PRDM5: variants seen among roughly 807,000 people sequenced by gnomAD.
The protein encoded by PRDM5 is PR domain zinc finger protein 5.
A neutral mutation model predicts 81.2 loss-of-function variants in PRDM5; 56 were observed. The ratio of observed to expected loss-of-function variants is 0.69; its 90% CI spans 0.56 to 0.86. PRDM5 has a LOEUF of 0.86. PRDM5 is among the 40% of genes least tolerant of loss of function. The probability of loss-of-function intolerance (pLI) is 0.00; values close to 1 mark genes in which losing one functional copy is unlikely to be tolerated. For missense variants in PRDM5, 697 were observed against 770.1 expected, an observed-to-expected ratio of 0.91 and a Z score of 1.12; for synonymous variants, 267 against 256.4, an observed-to-expected ratio of 1.04 and a Z score of -0.39.
At chr4:120,783,135 A>G (rs1749280005) in intron 11 of PRDM5, among the ~76,000 whole-genome samples, 1 of 152,154 alleles carries the variant, frequency 6.6e-6, no homozygotes, top group Admixed American at 6.6e-5. Context: ...AACAGCTTTC[A>G]TATTTTAAAG....
At chr4:120,686,488 A>AC (rs1376681628) in intron 1 of PRDM5, among the ~76,000 whole-genome samples, 2 of 152,154 alleles carry the variant, frequency 1.3e-5, no homozygotes, top group Admixed American at 1.3e-4. Flanking sequence ...GATTTATAAC[A>AC]TGAAGTTTAT....
intron 1 of PRDM5, among the ~76,000 whole-genome samples, chr4:120,912,240 C>T (rs1018828480): frequency 6.6e-6 from 1 of 152,094 alleles, no homozygotes; most frequent in Non-Finnish European, 1.5e-5. Flanking sequence ...AGAAAAATTA[C>T]CTTAACCCAA....
intron 2 of PRDM5, 63 bp from the exon 3 acceptor site, chr4:120,853,603 A>G: frequency 1.2e-6 from 2 of 1,605,636 alleles, no homozygotes; most frequent in Non-Finnish European, 1.7e-6. Flanking sequence ...TAAACACATC[A>G]AGGTTAGGAC....
rs1167287078 is a variant in PRDM5 at position 120,693,862 on chromosome 4, A to G, written c.*1249T>C. The G allele has an allele frequency of 6.6e-6, 1 of 152,106 alleles. No homozygotes were observed. The highest frequency in any genetic ancestry group is 2.4e-5 in the African/African-American group (1 of 41,440). The allele number at this position is 152,106 out of a possible 1,614,324, so 9.4% of individuals were successfully genotyped here. A position where few individuals can be genotyped will look rare whatever the true frequency, so the allele number is the denominator to read the frequency against. On this transcript the variant is annotated 3_prime_UTR_variant, in exon 16 of 16. Transcript: ENST00000264808. ...CAGGTTATTTTGACATCACTATTAC[A>G]TTGTATCATATCATCTCTCCAAACA...
chr4:120,742,129 C>A (rs1039386644), intron 14 of PRDM5, among the ~76,000 whole-genome samples: 3 of 152,300 alleles, frequency 2.0e-5, no homozygotes, highest in Non-Finnish European at 4.4e-5. Context: ...CCCTGACCCC[C>A]CGAGCAGCCT....
At chr4:120,916,562 A>G (rs1724199014) in intron 1 of PRDM5, among the ~76,000 whole-genome samples, 1 of 152,192 alleles carries the variant, frequency 6.6e-6, no homozygotes, top group Non-Finnish European at 1.5e-5. Context: ...AAAACATAAA[A>G]TGTGTGACAT....
At chr4:120,845,524 A>G (rs1047922873) in intron 3 of PRDM5, among the ~76,000 whole-genome samples, 1 of 152,206 alleles carries the variant, frequency 6.6e-6, no homozygotes, top group Non-Finnish European at 1.5e-5. Flanking sequence ...TGCATAGTCT[A>G]CTGAATATTT....
chr4:120,869,979 A>G (rs1283715395), intron 2 of PRDM5, among the ~76,000 whole-genome samples: 2 of 152,132 alleles, frequency 1.3e-5, no homozygotes, highest in East Asian at 1.9e-4. Context: ...TCAAAAAAGA[A>G]CAAAGAAAAA....
rs1276953836 is a variant in PRDM5, at chr4:120,774,980, ATG to A, written c.1537+2206_1537+2207del. On this transcript the variant is annotated intron_variant, in intron 13 of 15. Transcript: ENST00000264808. ...TGTATATGTATATATGTGTGTGTAT[ATG>A]TATATGTGTATATATATATACACAA... Among the ~76,000 whole-genome samples the A allele has an allele frequency of 3.6e-4, 54 of 149,376 alleles. 1 individual carries two copies. Among genetic ancestry groups the A allele is most frequent in the Admixed American group, 3.3e-4 (5 of 14,930 alleles).
chr4:120,919,449 T>C (rs1724619672), intron 1 of PRDM5, among the ~76,000 whole-genome samples: 1 of 152,222 alleles, frequency 6.6e-6, no homozygotes, highest in Non-Finnish European at 1.5e-5. Context: ...GAGCAGTGTA[T>C]TTCCACCTTA....
intron 2 of PRDM5, among the ~76,000 whole-genome samples, chr4:120,888,964 T>C (rs1316139857): frequency 2.0e-5 from 3 of 152,182 alleles, no homozygotes; most frequent in Non-Finnish European, 2.9e-5. Context: ...CTTACTATAT[T>C]CTGGATACAA....
chr4:120,717,678 C>T (rs1737989652), intron 14 of PRDM5, among the ~76,000 whole-genome samples: 1 of 152,086 alleles, frequency 6.6e-6, no homozygotes, highest in Non-Finnish European at 1.5e-5. Context: ...AGGTATGACC[C>T]CATCAGACAG....
At chr4:120,743,342 C>T (rs1321669696) in intron 14 of PRDM5, among the ~76,000 whole-genome samples, 6 of 151,870 alleles carry the variant, frequency 4.0e-5, no homozygotes, top group South Asian at 2.1e-4. Flanking sequence ...AATGTAAAGA[C>T]CATTGAGACT....
chr4:120,824,314 T>C (rs529273671), intron 3 of PRDM5, among the ~76,000 whole-genome samples: 1 of 152,314 alleles, frequency 6.6e-6, no homozygotes, highest in South Asian at 2.1e-4. Context: ...CTCCTTACTA[T>C]ATCTATCATT....
In PRDM5 at chr4:120,700,395, T is replaced by A. The variant is rs181901135; in HGVS notation, c.1729-5120A>T. Among the ~76,000 whole-genome samples the A allele has an allele frequency of 1.4e-4, 21 of 152,316 alleles. No homozygotes were observed. In the East Asian group the frequency reaches 4.0e-3, roughly 29 times the overall value. On this transcript the variant is annotated intron_variant, in intron 15 of 15. Transcript: ENST00000264808. ...GGAAACACCATTCTGGACAGAAGTC[T>A]TGGGAAATAATTTACGACTAAATTC... is the stretch of plus-strand genomic sequence containing the variant.
intron 13 of PRDM5, 49 bp downstream of exon 13, chr4:120,777,139 G>C: frequency 3.1e-6 from 5 of 1,612,464 alleles, no homozygotes; most frequent in Non-Finnish European, 4.2e-6. Flanking sequence ...TTGGAAGCAT[G>C]TGATTTCTCT....
At chr4:120,759,937 C>T (rs1745351530) in intron 13 of PRDM5, among the ~76,000 whole-genome samples, 1 of 152,180 alleles carries the variant, frequency 6.6e-6, no homozygotes, top group Non-Finnish European at 1.5e-5. Flanking sequence ...TTCTGTTCTA[C>T]AGTTCAGAAT....
chr4:120,695,011 A>T lies in PRDM5; in HGVS notation c.*100T>A. 1 of 1,351,656 alleles carries T rather than the reference A, an allele frequency of 7.4e-7. No individual in the cohort carries two copies. The highest frequency in any genetic ancestry group is 2.3e-5 in the East Asian group (1 of 43,508). 83.7% of individuals were successfully genotyped at this position (1,351,656 alleles called of 1,614,324 possible). On this transcript the variant is annotated 3_prime_UTR_variant, in exon 16 of 16. Coordinates refer to ENST00000264808, the MANE Select transcript of PRDM5 (RefSeq NM_018699.4). ...GGCAAATAAGAACTATGAGACCAGT[A>T]AGTCACTTTTGGCTACTTCTGTTAT...
rs549285133 is a variant in PRDM5, at chr4:120,720,916, ATAGAACAC to A, written c.1624-10511_1624-10504del. Among the ~76,000 whole-genome samples the A allele has an allele frequency of 1.9e-3, 289 of 152,352 alleles. 1 individual carries two copies. Among genetic ancestry groups the A allele is most frequent in the Middle Eastern group, 6.8e-3 (2 of 294 alleles). On this transcript the variant is annotated intron_variant, in intron 14 of 15. Coordinates refer to ENST00000264808, the MANE Select transcript of PRDM5 (RefSeq NM_018699.4). The stretch of plus-strand genomic sequence containing the variant: ...GGAAAATGAATTGCACAAGCAACAC[ATAGAACAC>A]TAAAAACAAGCACAGTGAATAGGAT...
Sources: gnomAD v4.1 joint callset for allele counts (sites outside exome capture counted in the v4.1 genomes callset) on GRCh38, gnomAD v4.1.1 for gene constraint, MANE v1.5 for transcripts, NCBI Gene and HGNC (gene_info 2026-07-23, HGNC 2026-07-21) for gene names.